ST3GAL3: variants seen among roughly 807,000 people sequenced by gnomAD.
ST3GAL3 encodes the protein ST3 beta-galactoside alpha-2,3-sialyltransferase 3.
In ST3GAL3, 21 loss-of-function variants were observed where a neutral mutation model predicts 50.1. The ratio of observed to expected loss-of-function variants is 0.42; its 90% CI spans 0.30 to 0.60. ST3GAL3 has a LOEUF of 0.60. Ranked by LOEUF, ST3GAL3 falls within the 20% of genes least tolerant of loss-of-function variation. The pLI is 0.19. For missense variants in ST3GAL3, 353 were observed against 489.4 expected (o/e 0.72, Z 2.63); for synonymous variants, 183 against 190.0 (o/e 0.96, Z 0.30).
chr1:43,719,869 G>A (rs1669483960), intron 1 of ST3GAL3, among the ~76,000 whole-genome samples: 1 of 146,594 alleles, frequency 6.8e-6, no homozygotes, highest in Non-Finnish European at 1.5e-5. Context: ...AGAGGCGGAG[G>A]TTTCAGTGAG....
At chr1:43,742,855 A>G (rs1226933606) in intron 2 of ST3GAL3, among the ~76,000 whole-genome samples, 1 of 152,200 alleles carries the variant, frequency 6.6e-6, no homozygotes, top group East Asian at 1.9e-4. Context: ...TGAAGAGAAC[A>G]CAATGGAAAT....
intron 2 of ST3GAL3, among the ~76,000 whole-genome samples, chr1:43,754,246 G>A (rs914282004): frequency 6.6e-6 from 1 of 152,190 alleles, no homozygotes; most frequent in South Asian, 2.1e-4. Context: ...CTGGAGTGGT[G>A]CAGTGGCACA....
chr1:43,897,242 G>A (rs1383691705), intron 6 of ST3GAL3, among the ~76,000 whole-genome samples: 1 of 152,118 alleles, frequency 6.6e-6, no homozygotes, highest in African/African-American at 2.4e-5. Context: ...CTTAGTGTCT[G>A]CACATCTTCG....
intron 1 of ST3GAL3, among the ~76,000 whole-genome samples, chr1:43,733,098 A>G (rs1380104579): frequency 6.6e-6 from 1 of 151,884 alleles, no homozygotes; most frequent in Non-Finnish European, 1.5e-5. Context: ...GGGCTCAAGC[A>G]ATCTTCCCGC....
At chr1:43,806,576 A>G (rs1355858048) in intron 3 of ST3GAL3, among the ~76,000 whole-genome samples, 1 of 152,236 alleles carries the variant, frequency 6.6e-6, no homozygotes, top group East Asian at 1.9e-4. Context: ...AAGGCTGGGG[A>G]ACAGGCAAAG....
chr1:43,802,761 A>G (rs2154165051), intron 3 of ST3GAL3, among the ~76,000 whole-genome samples: 1 of 152,314 alleles, frequency 6.6e-6, no homozygotes, highest in East Asian at 1.9e-4. Flanking sequence ...TTTGGCAGAC[A>G]TTTTCTCAGT....
chr1:43,771,418 C>T lies in ST3GAL3; in HGVS notation c.119-20684C>T, dbSNP rs193011277. Among the ~76,000 whole-genome samples, 497 of 151,156 alleles carry T rather than the reference C, an allele frequency of 3.3e-3. 2 individuals are homozygous for T. Among genetic ancestry groups the T allele is most frequent in the African/African-American group, 0.011 (471 of 41,054 alleles). On this transcript the variant is annotated intron_variant, in intron 2 of 11. Coordinates refer to ENST00000347631, the MANE Select transcript of ST3GAL3 (RefSeq NM_006279.5). ...TGTCGCCCAGGCTGGAGTGCAGTGGCGTGATCTCGGCTCACCGCAGGCTCC... is the reference window on the plus strand; with the variant it reads ...TGTCGCCCAGGCTGGAGTGCAGTGGTGTGATCTCGGCTCACCGCAGGCTCC...
At chr1:43,825,656 G>A (rs1162566719) in intron 4 of ST3GAL3, among the ~76,000 whole-genome samples, 1 of 152,198 alleles carries the variant, frequency 6.6e-6, no homozygotes, top group African/African-American at 2.4e-5. Context: ...AGAAATATGG[G>A]CTTCATCTCA....
At chr1:43,824,658 T>A in intron 4 of ST3GAL3, 1 of 1,603,084 alleles carries the variant, frequency 6.2e-7, no homozygotes, top group Non-Finnish European at 8.5e-7. Flanking sequence ...CACAGCCCAC[T>A]GTTCAAAGAC....
chr1:43,744,022 C>G (rs537941113), intron 2 of ST3GAL3, among the ~76,000 whole-genome samples: 12 of 152,252 alleles, frequency 7.9e-5, no homozygotes, highest in African/African-American at 2.9e-4. Context: ...GCATGCTTAT[C>G]TTTATATTCC....
chr1:43,891,934 C>A (rs1406524327), intron 5 of ST3GAL3, among the ~76,000 whole-genome samples: 1 of 152,160 alleles, frequency 6.6e-6, no homozygotes, highest in Non-Finnish European at 1.5e-5. Context: ...TAGCCAAGAA[C>A]ACTTGAACCT....
intron 2 of ST3GAL3, among the ~76,000 whole-genome samples, chr1:43,780,551 G>A (rs923611051): frequency 6.6e-6 from 1 of 151,866 alleles, no homozygotes; most frequent in Non-Finnish European, 1.5e-5. Flanking sequence ...TATTCAGAAG[G>A]CATGTTTTCT....
chr1:43,912,791 C>G (rs941305075), intron 9 of ST3GAL3: 7 of 152,224 alleles, frequency 4.6e-5, no homozygotes, highest in African/African-American at 1.7e-4. Context: ...AAGAGCAGAA[C>G]AGGTTGCATC....
chr1:43,758,735 A>G (rs893488633), intron 2 of ST3GAL3, among the ~76,000 whole-genome samples: 2 of 152,138 alleles, frequency 1.3e-5, no homozygotes, highest in African/African-American at 4.8e-5. Flanking sequence ...CTTAAAAACT[A>G]ACTAGAAGAG....
chr1:43,810,013 A>AG (rs1263892121), intron 3 of ST3GAL3, among the ~76,000 whole-genome samples: 1 of 149,214 alleles, frequency 6.7e-6, no homozygotes, highest in Admixed American at 6.7e-5. Flanking sequence ...AAAAAAAGAA[A>AG]GAAAGAAAAA....
intron 9 of ST3GAL3, chr1:43,912,258 A>G (rs1261256840): frequency 6.6e-6 from 1 of 152,216 alleles, no homozygotes; most frequent in Non-Finnish European, 1.5e-5. Context: ...TATTATATGC[A>G]TGACTTCAAA....
At chr1:43,768,100 A>G (rs968747516) in intron 2 of ST3GAL3, among the ~76,000 whole-genome samples, 2 of 152,218 alleles carry the variant, frequency 1.3e-5, no homozygotes, top group African/African-American at 4.8e-5. Flanking sequence ...AAAGATTAAC[A>G]TACTTTTCCA....
chr1:43,805,750 T>C (rs996510147), intron 3 of ST3GAL3, among the ~76,000 whole-genome samples: 1 of 152,194 alleles, frequency 6.6e-6, no homozygotes, highest in Non-Finnish European at 1.5e-5. Context: ...TTTTCTTTTC[T>C]TTTTTGACGG....
At chr1:43,784,366 G>C (rs149848199) in intron 2 of ST3GAL3, among the ~76,000 whole-genome samples, 1 of 152,174 alleles carries the variant, frequency 6.6e-6, no homozygotes, top group Non-Finnish European at 1.5e-5. Flanking sequence ...AAAATTGGCC[G>C]AGTGTGGTGG....
Sources: allele counts gnomAD v4.1 joint callset (sites outside exome capture counted in the v4.1 genomes callset), GRCh38; gene constraint gnomAD v4.1.1; transcripts MANE v1.5; gene names NCBI Gene and HGNC (gene_info 2026-07-23, HGNC 2026-07-21).